Variants in FCER2 observed in about 807,000 individuals in gnomAD.
FCER2 encodes low affinity immunoglobulin epsilon Fc receptor.
A neutral mutation model predicts 49.7 loss-of-function variants in FCER2; 38 were observed. That is an observed-to-expected ratio of 0.76 (90% CI 0.59 to 1.00). The LOEUF (loss-of-function observed/expected upper bound fraction) is 1.00, where lower values mean the gene tolerates loss of function less well. Among genes scored for constraint, FCER2 ranks in the 50% least tolerant of loss-of-function variants. The pLI is 0.00. For synonymous variants in FCER2, 163 were observed against 164.6 expected (o/e 0.99, Z 0.07); for missense variants, 425 against 419.5 (o/e 1.01, Z -0.11).
Position 7,698,805 on chromosome 19 carries a change from G to A in FCER2, c.72C>T (p.Ile24=), listed in dbSNP as rs769136391. 13 of 1,612,344 alleles carry A rather than the reference G, an allele frequency of 8.1e-6. No homozygotes were observed. The Admixed American group carries it at 1.0e-4, about 12-fold the overall frequency. ...RRRCCRRGTQ[I]VLLGLVTAAL... ...CGGCGGTCACCAGCCCCAGCAGCAC[G>A]ATCTGAGTCCCACGCCTGCAACACC... The change falls in exon 3 of 11, where the codon ATC becomes ATT. Residue 24 remains isoleucine, a synonymous_variant. Coordinates refer to ENST00000597921, the MANE Select transcript of FCER2 (RefSeq NM_001220500.2).
At position 7,696,866 on chromosome 19, in the gene FCER2, TC is replaced by T; in HGVS notation, c.427del (p.Glu143ArgfsTer3). The T allele has an allele frequency of 1.3e-6, 2 of 1,587,288 alleles. No individual in the cohort carries two copies. The highest frequency in any genetic ancestry group is 8.6e-7 in the Non-Finnish European group (1 of 1,166,022). On this transcript the variant is annotated frameshift_variant, in exon 8 of 11. Coordinates refer to ENST00000597921, the MANE Select transcript of FCER2 (RefSeq NM_001220500.2). LOFTEE classifies it high-confidence loss of function. ...CTCCATCCTTAGCTTTGTCACCTCC[TC>T]CCGGAGTCTTTCCAGCAAATCTGAA... ...EASDLLERLR[E>X]EVTKLRMELQ...
At chr19:7,701,284 C>T (rs2033147853) in intron 1 of FCER2, among the ~76,000 whole-genome samples, 2 of 152,158 alleles carry the variant, frequency 1.3e-5, no homozygotes, top group Admixed American at 1.3e-4. Flanking sequence ...AGCGGCAGCT[C>T]AAGCTGGCCC....
intron 8 of FCER2, among the ~76,000 whole-genome samples, chr19:7,694,466 T>G (rs1325015318): frequency 1.3e-5 from 2 of 152,148 alleles, no homozygotes; most frequent in Non-Finnish European, 2.9e-5. Context: ...GTCTTGGTTG[T>G]TTGTTACATA....
In FCER2 at chr19:7,698,413, G is replaced by A. The variant is rs758197012; in HGVS notation, c.137-4C>T. 7.6e-5 allele frequency: 122 copies of A among 1,610,016 alleles called. 2 individuals carry two copies. In the South Asian group the frequency reaches 1.3e-3, roughly 17 times the overall value. On this transcript the variant is annotated splice_region_variant and splice_polypyrimidine_tract_variant and intron_variant, in intron 3 of 10. Transcript: ENST00000597921. ...AGACTCTGTGTGGTGTCCCAGTCTG[G>A]GGAGGGGGAGAGAAGAGGAGTGGAG...
intron 1 of FCER2, among the ~76,000 whole-genome samples, chr19:7,700,982 TGTATTTTA>T (rs941270074): frequency 6.6e-6 from 1 of 152,048 alleles, no homozygotes; most frequent in African/African-American, 2.4e-5. Context: ...GGCTAATTTT[TGTATTTTA>T]GTAGAGACAG....
In FCER2 at chr19:7,690,484, G is replaced by C. The variant is rs771903938; in HGVS notation, c.543C>G (p.Thr181=). The C allele has an allele frequency of 6.2e-6, 10 of 1,614,034 alleles. No homozygotes were observed. The highest frequency in any genetic ancestry group is 8.5e-6 in the Non-Finnish European group (10 of 1,179,958). ...QRKCYYFGKG[T]KQWVHARYAC... The stretch of plus-strand genomic sequence containing the variant: ...CATACCGGGCGTGGACCCACTGCTT[G>C]GTGCCCTTGCCGAAGTAGTAGCACT... Residue 181 remains threonine, a synonymous_variant, in exon 9 of 11, where the codon ACC becomes ACG. Transcript: ENST00000597921.
intron 8 of FCER2, among the ~76,000 whole-genome samples, chr19:7,693,630 G>T (rs150239445): frequency 6.6e-6 from 1 of 151,916 alleles, no homozygotes; most frequent in Admixed American, 6.6e-5. Context: ...TCCACTACAC[G>T]TGGTCAGATG....
intron 4 of FCER2, among the ~76,000 whole-genome samples, 197 bp from the exon 5 acceptor site, chr19:7,697,786 C>T (rs1027334985): frequency 6.6e-6 from 1 of 152,176 alleles, no homozygotes; most frequent in Non-Finnish European, 1.5e-5. Flanking sequence ...ACCTCTCCCT[C>T]ACCCAGGGTT....
rs4996973 is a variant in FCER2, at chr19:7,690,273, A to T, written c.622-8T>A. The T allele has an allele frequency of 3.1e-6, 5 of 1,611,450 alleles. No homozygotes were observed. In the African/African-American group the frequency reaches 5.4e-5, roughly 17 times the overall value. ...ATGCTTGGTCAGGAAGTCCTGGGGGACAGGACAGGGCTGGAGGACTGGAGA... is the reference window on the plus strand; with the variant it reads ...ATGCTTGGTCAGGAAGTCCTGGGGGTCAGGACAGGGCTGGAGGACTGGAGA... On this transcript the variant is annotated splice_region_variant and splice_polypyrimidine_tract_variant and intron_variant, in intron 9 of 10. Coordinates refer to ENST00000597921, the MANE Select transcript of FCER2 (RefSeq NM_001220500.2).
At position 7,696,852 on chromosome 19, in the gene FCER2, G is replaced by C. The variant is rs147413598; in HGVS notation, c.442C>G (p.Leu148Val). 3 of 1,585,002 alleles carry C rather than the reference G, an allele frequency of 1.9e-6. 1 individual carries two copies. The highest frequency in any genetic ancestry group is 2.6e-6 in the Non-Finnish European group (3 of 1,164,700). Residue 148 changes from leucine to valine, a missense_variant, in exon 8 of 11, where the codon CTA becomes GTA. By Grantham distance (32) the Leu-to-Val change is conservative. Transcript: ENST00000597921. Reference protein sequence around the residue: ...LERLREEVTKLRMELQVSSGF... With the variant: ...LERLREEVTKVRMELQVSSGF... ...CTGGACACCTGCAACTCCATCCTTA[G>C]CTTTGTCACCTCCTCCCGGAGTCTT... is the stretch of plus-strand genomic sequence containing the variant.
In FCER2 at chr19:7,689,215, G is replaced by T. The variant is rs34694289; in HGVS notation, c.944C>A (p.Pro315His). ...TGCTCAAGAGTGGAGAGGGGCAGAGGGGGTGGGCAGGCGGCCGTCAGGGTC... is the reference window on the plus strand; with the variant it reads ...TGCTCAAGAGTGGAGAGGGGCAGAGTGGGTGGGCAGGCGGCCGTCAGGGTC... The part of the protein sequence containing the change: ...RPDPDGRLPT[P>H]SAPLHS The change falls in exon 11 of 11, where the codon CCC becomes CAC. Residue 315 changes from proline (P) to histidine (H), a missense_variant. Transcript: ENST00000597921. The T allele has an allele frequency of 1.9e-6, 3 of 1,612,344 alleles. No individual in the cohort carries two copies. The highest frequency in any genetic ancestry group is 2.5e-6 in the Non-Finnish European group (3 of 1,178,690).
intron 4 of FCER2, 22 bp from the exon 5 acceptor site, chr19:7,697,611 G>A: frequency 6.2e-7 from 1 of 1,610,926 alleles, no homozygotes; most frequent in Non-Finnish European, 8.5e-7. Context: ...GGAGAGAAGA[G>A]ATATCCCAGG....
At chr19:7,700,352 G>T (rs1233604270) in intron 1 of FCER2, among the ~76,000 whole-genome samples, 1 of 152,090 alleles carries the variant, frequency 6.6e-6, no homozygotes, top group African/African-American at 2.4e-5. Context: ...TGAGGTTTTT[G>T]GTGCCGGGCT....
In FCER2 at chr19:7,690,471, G is replaced by A; in HGVS notation, c.556C>T (p.His186Tyr). The A allele has an allele frequency of 3.7e-6, 6 of 1,614,124 alleles. No homozygotes were observed. Among genetic ancestry groups the A allele is most frequent in the Non-Finnish European group, 4.2e-6 (5 of 1,179,990 alleles). The change falls in exon 9 of 11, where the codon CAC becomes TAC. Residue 186 changes from histidine (H) to tyrosine (Y), a missense_variant. By Grantham distance (83) the His-to-Tyr change is moderately conservative. Coordinates refer to ENST00000597921, the MANE Select transcript of FCER2 (RefSeq NM_001220500.2). Reference sequence around the variant, plus strand: ...ATGTCGTCACAGGCATACCGGGCGTGGACCCACTGCTTGGTGCCCTTGCCG... The same window carrying A: ...ATGTCGTCACAGGCATACCGGGCGTAGACCCACTGCTTGGTGCCCTTGCCG... ...YFGKGTKQWV[H>Y]ARYACDDMEG...
chr19:7,696,584 C>G (rs887214763), intron 8 of FCER2, among the ~76,000 whole-genome samples: 2 of 145,488 alleles, frequency 1.4e-5, no homozygotes, highest in South Asian at 2.3e-4. Context: ...TATGTATGCT[C>G]TGTGTGTCCT....
At chr19:7,696,456 G>A (rs2033013672) in intron 8 of FCER2, among the ~76,000 whole-genome samples, 1 of 151,992 alleles carries the variant, frequency 6.6e-6, no homozygotes, top group African/African-American at 2.4e-5. Context: ...GGCTGGTCTC[G>A]AACTCCTGAC....
chr19:7,699,972 C>T (rs1599443753), intron 1 of FCER2, 127 bp from the exon 2 acceptor site: 1 of 611,408 alleles, frequency 1.6e-6, no homozygotes, highest in Non-Finnish European at 2.9e-6. Context: ...AATCTGGACT[C>T]ACTAGCGTGG....
intron 1 of FCER2, among the ~76,000 whole-genome samples, chr19:7,700,639 C>A (rs560520110): frequency 1.3e-5 from 2 of 151,832 alleles, no homozygotes; most frequent in African/African-American, 4.8e-5. Context: ...CTCAGCCTCC[C>A]GAGTAGCTGG....
chr19:7,690,981 C>A (rs2032851547), intron 8 of FCER2, among the ~76,000 whole-genome samples: 1 of 152,006 alleles, frequency 6.6e-6, no homozygotes, highest in African/African-American at 2.4e-5. Context: ...CACCTCACGG[C>A]TAGAGGTCCC....
Sources: gnomAD v4.1 joint callset for allele counts (sites outside exome capture counted in the v4.1 genomes callset) on GRCh38, gnomAD v4.1.1 for gene constraint, MANE v1.5 for transcripts, NCBI Gene and HGNC (gene_info 2026-07-23, HGNC 2026-07-21) for gene names.